Variants in RMDN2 observed in about 807,000 individuals in gnomAD.
The protein encoded by RMDN2 is regulator of microtubule dynamics protein 2.
In RMDN2, 61 loss-of-function variants were observed where a neutral mutation model predicts 52.8. The observed-to-expected ratio is 1.16, with a 90% CI of 0.94 to 1.43. RMDN2 has a LOEUF of 1.43. Ranked by LOEUF, RMDN2 falls within the 40% of genes most tolerant of loss-of-function variation. The pLI is 0.00. For missense variants in RMDN2, 592 were observed against 475.3 expected (o/e 1.25, Z -2.28); for synonymous variants, 180 against 153.1 (o/e 1.18, Z -1.30).
intron 2 of RMDN2, 77 bp downstream of exon 2, chr2:37,929,806 G>A (rs1341129808): frequency 6.1e-6 from 6 of 975,808 alleles, no homozygotes; most frequent in Non-Finnish European, 8.9e-6. Flanking sequence ...TTTCATTATG[G>A]GTTCCAGTCA....
At chr2:37,957,430 G>C (rs1418335717) in intron 2 of RMDN2, among the ~76,000 whole-genome samples, 2 of 151,980 alleles carry the variant, frequency 1.3e-5, no homozygotes, top group South Asian at 2.1e-4. Flanking sequence ...TTTTTCGTAT[G>C]TTTGTTGGCT....
chr2:38,065,860 G>A (rs1304133972), intron 10 of RMDN2, among the ~76,000 whole-genome samples: 2 of 152,158 alleles, frequency 1.3e-5, no homozygotes, highest in Non-Finnish European at 2.9e-5. Flanking sequence ...AGTTTAAAGG[G>A]GCTTTTCTCA....
chr2:37,977,102 G>A (rs766804677), intron 4 of RMDN2, among the ~76,000 whole-genome samples: 4 of 151,940 alleles, frequency 2.6e-5, no homozygotes, highest in Admixed American at 6.6e-5. Context: ...ATCTTGCACC[G>A]CCCTTAATCC....
chr2:37,998,509 G>C (rs1342565123), intron 8 of RMDN2: 5 of 152,172 alleles, frequency 3.3e-5, no homozygotes, highest in Admixed American at 1.3e-4. Flanking sequence ...CTGACCAAAA[G>C]AGCATGACCT....
intron 10 of RMDN2, among the ~76,000 whole-genome samples, chr2:38,062,408 C>CT (rs1682089905): frequency 6.6e-6 from 1 of 152,134 alleles, no homozygotes; most frequent in Non-Finnish European, 1.5e-5. Flanking sequence ...ATGGTTCATT[C>CT]TTTTTTATTA....
chr2:37,969,431 T>A (rs973246377), intron 2 of RMDN2, among the ~76,000 whole-genome samples: 1 of 151,712 alleles, frequency 6.6e-6, no homozygotes, highest in Non-Finnish European at 1.5e-5. Context: ...TTTAAAACTT[T>A]TGTGAAATTT....
intron 2 of RMDN2, among the ~76,000 whole-genome samples, chr2:37,963,370 G>A (rs1208482065): frequency 2.0e-5 from 3 of 148,836 alleles, no homozygotes; most frequent in South Asian, 2.1e-4. Context: ...CGGAGAGGGG[G>A]ATTTGGCAGG....
At chr2:37,933,469 C>T (rs1199364004) in intron 2 of RMDN2, among the ~76,000 whole-genome samples, 1 of 152,274 alleles carries the variant, frequency 6.6e-6, no homozygotes, top group African/African-American at 2.4e-5. Flanking sequence ...CACTGCACCC[C>T]AGCCTGGGCA....
At chr2:37,990,488 G>A (rs1263572962) in intron 6 of RMDN2, among the ~76,000 whole-genome samples, 5 of 123,562 alleles carry the variant, frequency 4.0e-5, no homozygotes, top group East Asian at 2.6e-4. Flanking sequence ...CACTGCACTC[G>A]AGCCTGGGCA....
At chr2:37,948,799 A>C (rs960769981) in intron 2 of RMDN2, among the ~76,000 whole-genome samples, 1 of 152,182 alleles carries the variant, frequency 6.6e-6, no homozygotes, top group Non-Finnish European at 1.5e-5. Context: ...TTGTGTCTGC[A>C]TAATCATAGA....
At chr2:37,980,138 T>A (rs1280705606) in intron 4 of RMDN2, among the ~76,000 whole-genome samples, 1 of 152,126 alleles carries the variant, frequency 6.6e-6, no homozygotes, top group East Asian at 1.9e-4. Flanking sequence ...ATTTTGCATA[T>A]CCTTGGATAG....
intron 10 of RMDN2, among the ~76,000 whole-genome samples, chr2:38,062,761 T>TG: frequency 9.2e-6 from 1 of 108,324 alleles, no homozygotes; most frequent in East Asian, 2.7e-4. Context: ...ATGCTATCCC[T>TG]CCCCCCTTCC....
intron 2 of RMDN2, among the ~76,000 whole-genome samples, chr2:37,955,716 G>A (rs1037268128): frequency 5.9e-5 from 9 of 152,096 alleles, no homozygotes; most frequent in African/African-American, 1.9e-4. Context: ...TATAAGAAGT[G>A]TCTTTCACCT....
At chr2:37,986,177 G>T (rs1457477946) in intron 5 of RMDN2, among the ~76,000 whole-genome samples, 1 of 152,274 alleles carries the variant, frequency 6.6e-6, no homozygotes, top group East Asian at 1.9e-4. Context: ...AATTTGGAAG[G>T]ATTAGAATTG....
intron 10 of RMDN2, among the ~76,000 whole-genome samples, chr2:38,052,317 G>T (rs1015960258): frequency 2.6e-4 from 40 of 152,192 alleles, no homozygotes; most frequent in African/African-American, 9.2e-4. Flanking sequence ...CCATTTGTGT[G>T]TCTTCTTTCG....
chr2:37,954,045 GTTGT>G (rs964221790), intron 2 of RMDN2, among the ~76,000 whole-genome samples: 2 of 151,482 alleles, frequency 1.3e-5, no homozygotes, highest in Non-Finnish European at 2.9e-5. Flanking sequence ...TTTAAATCAG[GTTGT>G]TTGTTTTTTT....
intron 4 of RMDN2, among the ~76,000 whole-genome samples, chr2:37,976,068 C>T (rs2125077039): frequency 6.6e-6 from 1 of 152,294 alleles, no homozygotes; most frequent in African/African-American, 2.4e-5. Flanking sequence ...GAAGAATAAA[C>T]TCGCAGACTT....
intron 10 of RMDN2, among the ~76,000 whole-genome samples, chr2:38,043,484 G>C (rs1443312050): frequency 1.3e-5 from 2 of 152,100 alleles, no homozygotes; most frequent in Non-Finnish European, 2.9e-5. Context: ...ATTCACATTT[G>C]AAGTGATTGT....
At chr2:37,983,140 C>A (rs1673554837) in intron 5 of RMDN2, among the ~76,000 whole-genome samples, 1 of 152,134 alleles carries the variant, frequency 6.6e-6, no homozygotes, top group African/African-American at 2.4e-5. Flanking sequence ...CTGTCCTCTT[C>A]CTTCTCTCCC....
Sources: gnomAD v4.1 joint callset for allele counts (sites outside exome capture counted in the v4.1 genomes callset) on GRCh38, gnomAD v4.1.1 for gene constraint, MANE v1.5 for transcripts, NCBI Gene and HGNC (gene_info 2026-07-23, HGNC 2026-07-21) for gene names.